ANKFN1: variants seen among roughly 807,000 people sequenced by gnomAD.
The protein encoded by ANKFN1 is ankyrin repeat and fibronectin type III domain containing 1.
A neutral mutation model predicts 108.7 loss-of-function variants in ANKFN1; 74 were observed. The observed-to-expected ratio is 0.68, with a 90% CI of 0.56 to 0.83. The LOEUF (loss-of-function observed/expected upper bound fraction) is 0.83, where lower values mean the gene tolerates loss of function less well. ANKFN1 is among the 40% of genes least tolerant of loss of function. The probability of loss-of-function intolerance (pLI) is 0.00; values close to 1 mark genes in which losing one functional copy is unlikely to be tolerated. For missense variants in ANKFN1, 1,505 were observed against 1,382.3 expected, an observed-to-expected ratio of 1.09 and a Z score of -1.41; for synonymous variants, 547 against 516.2, an observed-to-expected ratio of 1.06 and a Z score of -0.81.
chr17:56,457,317 T>G lies in ANKFN1; in HGVS notation c.1368T>G (p.Asp456Glu), dbSNP rs75599990. Reference sequence around the variant, plus strand: ...ACAATATCTTAGTCACCAATGAAGATCAAGTACCAATTGTTGAAATAGATG... The same window carrying G: ...ACAATATCTTAGTCACCAATGAAGAGCAAGTACCAATTGTTGAAATAGATG... ...YKDNILVTNE[D>E]QVPIVEIDDS... Residue 456 changes from aspartate (D) to glutamate (E), a missense_variant, in exon 13 of 21, where the codon GAT becomes GAG. Physicochemically the swap from Asp to Glu is conservative, Grantham distance 45. Transcript: ENST00000682825. 6.2e-7 allele frequency: 1 copy of G among 1,606,674 alleles called. No homozygotes were observed. Among genetic ancestry groups the G allele is most frequent in the East Asian group, 2.2e-5 (1 of 44,812 alleles).
intron 14 of ANKFN1, among the ~76,000 whole-genome samples, chr17:56,463,633 G>T (rs974942874): frequency 6.6e-6 from 1 of 152,154 alleles, no homozygotes; most frequent in African/African-American, 2.4e-5. Flanking sequence ...ACATTGAAAG[G>T]TGTCTAAGCT....
intron 3 of ANKFN1, among the ~76,000 whole-genome samples, chr17:56,264,725 T>A (rs898020205): frequency 6.6e-5 from 10 of 152,182 alleles, no homozygotes; most frequent in African/African-American, 1.9e-4. Context: ...TTTCTGACCT[T>A]AGAAAAATGG....
At chr17:56,409,325 C>T (rs1242692338) in intron 8 of ANKFN1, among the ~76,000 whole-genome samples, 5 of 152,176 alleles carry the variant, frequency 3.3e-5, no homozygotes, top group Non-Finnish European at 7.4e-5. Flanking sequence ...CATCCTGGGA[C>T]TGTTTGCACT....
intron 4 of ANKFN1, among the ~76,000 whole-genome samples, chr17:56,337,086 G>C (rs1342133488): frequency 2.6e-5 from 4 of 152,198 alleles, no homozygotes; most frequent in Non-Finnish European, 4.4e-5. Flanking sequence ...CTGAGAGACA[G>C]TTTGTTGTGA....
At chr17:56,082,957 A>C (rs2143170628) in intron 4 of ANKFN1, among the ~76,000 whole-genome samples, 1 of 151,486 alleles carries the variant, frequency 6.6e-6, no homozygotes, top group East Asian at 1.9e-4. Flanking sequence ...GGTTGCAGAG[A>C]TTCTCTTTTA....
Position 56,094,676 on chromosome 17 carries a change from T to A in ANKFN1, c.288+48351T>A, listed in dbSNP as rs1230827691. Reference sequence around the variant, plus strand: ...ACACCACCACGCCCAGCTAATTGGGTTTTTTTTTTTTTTTTTTGTATTTTT... The same window carrying A: ...ACACCACCACGCCCAGCTAATTGGGATTTTTTTTTTTTTTTTTGTATTTTT... On this transcript the variant is annotated intron_variant, in intron 4 of 12. Coordinates refer to the ANKFN1 transcript ENST00000635860. 1.4e-4 allele frequency among the ~76,000 whole-genome samples: 8 copies of A among 58,872 alleles called. No homozygotes were observed. The East Asian group carries it at 3.3e-3, about 24-fold the overall frequency. 38.6% of individuals were successfully genotyped at this position (58,872 alleles called of 152,430 possible).
At chr17:56,113,794 TAG>T (rs1178061670) in intron 4 of ANKFN1, among the ~76,000 whole-genome samples, 2 of 152,038 alleles carry the variant, frequency 1.3e-5, no homozygotes, top group African/African-American at 4.8e-5. Flanking sequence ...CAGGGAGAAA[TAG>T]AGTCTTTGAG....
At chr17:56,402,695 A>C (rs2047798632) in intron 8 of ANKFN1, among the ~76,000 whole-genome samples, 1 of 150,628 alleles carries the variant, frequency 6.6e-6, no homozygotes, top group African/African-American at 2.4e-5. Flanking sequence ...TGTTTGTTTC[A>C]ATTTCATTTA....
upstream of ANKFN1, among the ~76,000 whole-genome samples, chr17:56,152,262 A>ATGTGTGTGTGTGTG (rs200366444): frequency 9.0e-5 from 7 of 77,832 alleles, no homozygotes; most frequent in South Asian, 2.6e-3. Flanking sequence ...ATATATATAT[A>ATGTGTGTGTGTGTG]TGTGTGTGTG....
chr17:56,253,981 G>A (rs779198994), intron 3 of ANKFN1: 2 of 152,034 alleles, frequency 1.3e-5, no homozygotes, highest in African/African-American at 4.8e-5. Flanking sequence ...TTTTAACAAC[G>A]ACTGTGAGAT....
intron 8 of ANKFN1, 65 bp from the exon 9 acceptor site, chr17:56,440,262 C>A: frequency 1.0e-6 from 1 of 1,002,930 alleles, no homozygotes; most frequent in Non-Finnish European, 1.5e-6. Flanking sequence ...TATGGTACTT[C>A]TTGATGTGTG....
At position 56,201,697 on chromosome 17, in the gene ANKFN1, T is replaced by G. The variant is rs567874518; in HGVS notation, c.-70-10901T>G. On this transcript the variant is annotated intron_variant, in intron 1 of 20. Transcript: ENST00000682825. ...AAAAAAAAAAAAATTAGCTATTCAGTATATCTAATTCTCTATATATCTGTA... is the reference window on the plus strand; with the variant it reads ...AAAAAAAAAAAAATTAGCTATTCAGGATATCTAATTCTCTATATATCTGTA... Among the ~76,000 whole-genome samples the G allele has an allele frequency of 9.9e-5, 15 of 152,192 alleles. No homozygotes were observed. The South Asian group carries it at 1.2e-3, about 13-fold the overall frequency.
intron 3 of ANKFN1, among the ~76,000 whole-genome samples, chr17:56,249,371 T>G (rs952449288): frequency 6.6e-6 from 1 of 151,660 alleles, no homozygotes; most frequent in Non-Finnish European, 1.5e-5. Flanking sequence ...GAGGCAGAGA[T>G]TGCAGTAAGC....
intron 3 of ANKFN1, among the ~76,000 whole-genome samples, chr17:56,279,924 G>A (rs544558094): frequency 3.3e-5 from 5 of 152,012 alleles, no homozygotes; most frequent in African/African-American, 1.2e-4. Flanking sequence ...CCTTTTAAAA[G>A]GAGAGCTTTT....
chr17:56,318,454 C>G (rs2045270455), intron 3 of ANKFN1, among the ~76,000 whole-genome samples: 1 of 152,088 alleles, frequency 6.6e-6, no homozygotes, highest in African/African-American at 2.4e-5. Flanking sequence ...AAATTATCTA[C>G]CATGCACAGG....
chr17:56,196,903 C>A (rs1484721684), intron 1 of ANKFN1, among the ~76,000 whole-genome samples: 2 of 152,196 alleles, frequency 1.3e-5, no homozygotes, highest in African/African-American at 4.8e-5. Flanking sequence ...ATGACCCTTT[C>A]TAACCTGGCA....
chr17:56,111,814 G>T (rs777624757), intron 4 of ANKFN1, among the ~76,000 whole-genome samples: 1 of 152,154 alleles, frequency 6.6e-6, no homozygotes, highest in Non-Finnish European at 1.5e-5. Flanking sequence ...CAAAATACTG[G>T]TGGCATAACT....
intron 1 of ANKFN1, among the ~76,000 whole-genome samples, chr17:56,169,280 A>T (rs914840561): frequency 4.7e-5 from 7 of 150,054 alleles, no homozygotes; most frequent in South Asian, 4.2e-4. Flanking sequence ...TATCATTATT[A>T]TTTTTTTTTT....
chr17:56,329,494 G>T (rs2045605873), intron 4 of ANKFN1, among the ~76,000 whole-genome samples: 1 of 152,082 alleles, frequency 6.6e-6, no homozygotes, highest in Admixed American at 6.6e-5. Context: ...CACACAGAAA[G>T]TTCATCACTC....
Sources: gnomAD v4.1 joint callset for allele counts (sites outside exome capture counted in the v4.1 genomes callset) on GRCh38, gnomAD v4.1.1 for gene constraint, MANE v1.5 for transcripts, NCBI Gene and HGNC (gene_info 2026-07-23, HGNC 2026-07-21) for gene names.